The following FCHO1 variants were observed in gnomAD, a reference collection of about 807,000 sequenced individuals.
The protein encoded by FCHO1 is F-BAR domain only protein 1.
In FCHO1, 45 loss-of-function variants were observed where a neutral mutation model predicts 114.4. The observed-to-expected ratio is 0.39, with a 90% CI of 0.31 to 0.50. The LOEUF is 0.50. Among genes scored for constraint, FCHO1 ranks in the 20% least tolerant of loss-of-function variants. The pLI is 0.77. For synonymous variants in FCHO1, 480 were observed against 488.9 expected, an observed-to-expected ratio of 0.98 and a Z score of 0.24; for missense variants, 1,042 against 1,209.6, an observed-to-expected ratio of 0.86 and a Z score of 2.06.
intron 10 of FCHO1, 21 bp downstream of exon 10, chr19:17,772,576 G>T (rs1436726724): frequency 1.9e-6 from 3 of 1,613,832 alleles, no homozygotes; most frequent in Non-Finnish European, 2.5e-6. Flanking sequence ...CAGGTGTGAG[G>T]AATGAGGCTG....
At chr19:17,765,894 T>C (rs2088818171) in intron 6 of FCHO1, among the ~76,000 whole-genome samples, 1 of 133,800 alleles carries the variant, frequency 7.5e-6, no homozygotes, top group African/African-American at 2.8e-5. Flanking sequence ...TTTTTTTTTT[T>C]TTTTTTTTTT....
intron 1 of FCHO1, 145 bp from the exon 2 acceptor site, chr19:17,754,172 G>T (rs955183717): frequency 5.3e-5 from 8 of 152,242 alleles, no homozygotes; most frequent in Non-Finnish European, 1.2e-4. Flanking sequence ...AGGCCTGCAG[G>T]CTCCAGTGAC....
chr19:17,748,970 C>T (rs2081279912), upstream of FCHO1, among the ~76,000 whole-genome samples: 1 of 152,192 alleles, frequency 6.6e-6, no homozygotes, highest in Non-Finnish European at 1.5e-5. Context: ...GTTTACTGCA[C>T]TGCAAAATGG....
intron 27 of FCHO1, among the ~76,000 whole-genome samples, chr19:17,787,153 G>A (rs1051429037): frequency 6.8e-6 from 1 of 147,680 alleles, no homozygotes; most frequent in Non-Finnish European, 1.5e-5. Context: ...GAACCCAGTA[G>A]GTGAAGGTTG....
upstream of FCHO1, among the ~76,000 whole-genome samples, chr19:17,751,322 G>A (rs12979056): frequency 0.4 from 60,416 of 152,006 alleles, 13,044 homozygotes; most frequent in Non-Finnish European, 0.46. This position sits in a 1 kb window ranked among gnomAD's most constrained non-coding sequence, Gnocchi z 4.4. Context: ...GGTTCAGGCC[G>A]GGGGGCTCCA....
rs758310585 is a variant in FCHO1, at chr19:17,775,043, C to T, written c.921-13C>T. ...GCGGAAGCTGACACCAACATCTCTT[C>T]CTCCATCCCCAGAGATTTCCTGGAG... On this transcript the variant is annotated splice_polypyrimidine_tract_variant and intron_variant, in intron 13 of 28. Coordinates refer to ENST00000596536, the MANE Select transcript of FCHO1 (RefSeq NM_015122.3). This position sits in a 1 kb window ranked among gnomAD's most constrained non-coding sequence, Gnocchi z 5.1. The T allele has an allele frequency of 3.7e-6, 6 of 1,613,604 alleles. No homozygotes were observed. In the South Asian group the frequency reaches 6.6e-5, roughly 18 times the overall value.
In FCHO1 at chr19:17,775,944, C is replaced by T. The variant is rs778378036; in HGVS notation, c.1004-39C>T. On this transcript the variant is annotated intron_variant, in intron 15 of 28. Coordinates refer to ENST00000596536, the MANE Select transcript of FCHO1 (RefSeq NM_015122.3). This position sits in a 1 kb window ranked among gnomAD's most constrained non-coding sequence, Gnocchi z 5.1. ...GATTGGAGAGCTGACTGGGGGAAAGCTTGTGTTGGGATTGGCTTGGACCTT... is the reference window on the plus strand; with the variant it reads ...GATTGGAGAGCTGACTGGGGGAAAGTTTGTGTTGGGATTGGCTTGGACCTT... 1 of 1,594,326 alleles carries T rather than the reference C, an allele frequency of 6.3e-7. No individual in the cohort carries two copies. Among genetic ancestry groups the T allele is most frequent in the Non-Finnish European group, 8.5e-7 (1 of 1,173,672 alleles).
chr19:17,768,124 G>A (rs1599648535), intron 7 of FCHO1, among the ~76,000 whole-genome samples: 1 of 152,112 alleles, frequency 6.6e-6, no homozygotes, highest in East Asian at 1.9e-4. Context: ...CTGGAGTGCA[G>A]TGTGCACAAT....
Position 17,776,952 on chromosome 19 carries a change from C to G in FCHO1, c.1259+266C>G, listed in dbSNP as rs1392351620. Among the ~76,000 whole-genome samples the G allele has an allele frequency of 6.6e-6, 1 of 151,988 alleles. No individual in the cohort carries two copies. The highest frequency in any genetic ancestry group is 2.4e-5 in the African/African-American group (1 of 41,392). ...AGCTGAGATTACAGGCACCCACCAC[C>G]ACGCCCAGCTAACTTTTGTATTTTT... is the stretch of plus-strand genomic sequence containing the variant. On this transcript the variant is annotated intron_variant, in intron 18 of 28. Coordinates refer to ENST00000596536, the MANE Select transcript of FCHO1 (RefSeq NM_015122.3). This position sits in a 1 kb window ranked among gnomAD's most constrained non-coding sequence, Gnocchi z 4.4.
At chr19:17,785,108 G>C (rs1326528403) in intron 26 of FCHO1, among the ~76,000 whole-genome samples, 184 bp downstream of exon 26, 1 of 152,186 alleles carries the variant, frequency 6.6e-6, no homozygotes, top group Non-Finnish European at 1.5e-5. Context: ...TAATTGCAGT[G>C]CTTTGGGAGG....
intron 4 of FCHO1, among the ~76,000 whole-genome samples, chr19:17,761,761 A>G (rs1322580586): frequency 2.0e-5 from 3 of 151,514 alleles, no homozygotes; most frequent in African/African-American, 7.3e-5. Context: ...CCCACGTTCA[A>G]GCAATTCTCC....
Position 17,781,347 on chromosome 19 carries a change from G to A in FCHO1, c.1740+4G>A. ...CACACGTAGCAATGGGGACCTGGTA[G>A]GTGAGGGGGCGTGGCAGGAGCTGGA... On this transcript the variant is annotated splice_donor_region_variant and intron_variant, in intron 21 of 28. Coordinates refer to ENST00000596536, the MANE Select transcript of FCHO1 (RefSeq NM_015122.3). The A allele has an allele frequency of 6.2e-7, 1 of 1,612,704 alleles. No individual in the cohort carries two copies. The highest frequency in any genetic ancestry group is 8.5e-7 in the Non-Finnish European group (1 of 1,178,716).
At chr19:17,764,648 GC>G (rs2087968683) in intron 6 of FCHO1, among the ~76,000 whole-genome samples, 199 bp downstream of exon 6, 1 of 147,506 alleles carries the variant, frequency 6.8e-6, no homozygotes, top group Non-Finnish European at 1.5e-5. Context: ...CCTTCTGTGT[GC>G]CAAGCACCAG....
chr19:17,778,164 G>A lies in FCHO1; in HGVS notation c.1287G>A (p.Glu429=), dbSNP rs1386516969. ...SSCAERLQSE[E]QVSKNLFGPP... is the part of the protein sequence containing the mutation. Reference sequence around the variant, plus strand: ...GTGCAGAGAGATTGCAGTCAGAGGAGCAGGTGTCCAAGAACCTCTTTGGGC... The same window carrying A: ...GTGCAGAGAGATTGCAGTCAGAGGAACAGGTGTCCAAGAACCTCTTTGGGC... Residue 429 remains glutamate (E), a synonymous_variant, in exon 19 of 29, where the codon GAG becomes GAA. Coordinates refer to ENST00000596536, the MANE Select transcript of FCHO1 (RefSeq NM_015122.3). The A allele has an allele frequency of 6.2e-7, 1 of 1,613,992 alleles. No homozygotes were observed. The highest frequency in any genetic ancestry group is 1.7e-5 in the Admixed American group (1 of 60,030).
rs2092531735 is a variant in FCHO1 at position 17,775,690 on chromosome 19, GGA to G, written c.1003+184_1003+185del. On this transcript the variant is annotated intron_variant, in intron 15 of 28. Coordinates refer to ENST00000596536, the MANE Select transcript of FCHO1 (RefSeq NM_015122.3). The surrounding 1 kb of genome is among the most constrained non-coding windows in gnomAD (Gnocchi z 5.1). The stretch of plus-strand genomic sequence containing the variant: ...CTATGGGGTCAGCACTGGGCAAGAG[GGA>G]GAGAGAAAAGGAGATCTAGCAGGGC... Among the ~76,000 whole-genome samples, 2 of 152,042 alleles carry G rather than the reference GGA, an allele frequency of 1.3e-5. No individual in the cohort carries two copies. Among genetic ancestry groups the G allele is most frequent in the Non-Finnish European group, 2.9e-5 (2 of 68,016 alleles).
intron 7 of FCHO1, among the ~76,000 whole-genome samples, chr19:17,768,218 T>C (rs2090083250): frequency 6.6e-6 from 1 of 151,994 alleles, no homozygotes; most frequent in South Asian, 2.1e-4. Flanking sequence ...ACAGGTGTGC[T>C]GGTGCACGCC....
At chr19:17,781,862 T>C (rs759542641) in intron 23 of FCHO1, 42 bp downstream of exon 23, 17 of 1,357,336 alleles carry the variant, frequency 1.3e-5, no homozygotes, top group Non-Finnish European at 1.0e-6. Context: ...GAAGTCTGTG[T>C]TGGGGGAGTC....
At chr19:17,748,774 G>T (rs940210910), upstream of FCHO1, among the ~76,000 whole-genome samples, 2 of 152,092 alleles carry the variant, frequency 1.3e-5, no homozygotes, top group Non-Finnish European at 2.9e-5. Context: ...TCTGAACCTC[G>T]GTTTCCTCTT....
intron 1 of FCHO1, among the ~76,000 whole-genome samples, chr19:17,752,752 A>C (rs938283306): frequency 2.0e-5 from 3 of 151,308 alleles, no homozygotes; most frequent in African/African-American, 7.3e-5. Context: ...AAAAAAAAAA[A>C]ATTTATTTTT....
Sources: allele counts gnomAD v4.1 joint callset (sites outside exome capture counted in the v4.1 genomes callset), GRCh38; gene constraint gnomAD v4.1.1; non-coding constraint Gnocchi (gnomAD v3.1); transcripts MANE v1.5; gene names NCBI Gene and HGNC (gene_info 2026-07-23, HGNC 2026-07-21).